The following SYN2 variants were observed in gnomAD, a reference collection of about 807,000 sequenced individuals.
SYN2 encodes synapsin-2.
In SYN2, 19 loss-of-function variants were observed where a neutral mutation model predicts 50.9. The ratio of observed to expected loss-of-function variants is 0.37; its 90% CI spans 0.26 to 0.55. The LOEUF is 0.55. Among genes scored for constraint, SYN2 ranks in the 20% least tolerant of loss-of-function variants. The pLI, the probability that SYN2 is intolerant of heterozygous loss-of-function variation, is 0.81. For synonymous variants in SYN2, 255 were observed against 224.9 expected (o/e 1.13, Z -1.20); for missense variants, 587 against 576.4 (o/e 1.02, Z -0.19).
intron 1 of SYN2, among the ~76,000 whole-genome samples, chr3:12,058,515 G>A (rs1377581310): frequency 6.6e-6 from 1 of 152,116 alleles, no homozygotes; most frequent in East Asian, 1.9e-4. Context: ...TTCCAGTGCT[G>A]GACAATTTGC....
At chr3:12,126,252 G>T (rs1325896533) in intron 1 of SYN2, among the ~76,000 whole-genome samples, 1 of 152,120 alleles carries the variant, frequency 6.6e-6, no homozygotes, top group East Asian at 1.9e-4. Flanking sequence ...CCCTCTCCTG[G>T]CCATTGGCAA....
At chr3:12,104,337 A>G (rs1378231220) in intron 1 of SYN2, among the ~76,000 whole-genome samples, 2 of 152,120 alleles carry the variant, frequency 1.3e-5, no homozygotes, top group Non-Finnish European at 2.9e-5. Context: ...AAAATAAATA[A>G]AGCAAAATTG....
At chr3:12,153,664 A>T (rs750403598) in intron 5 of SYN2, 11 of 1,614,022 alleles carry the variant, frequency 6.8e-6, no homozygotes. Flanking sequence ...GTCCAGAGGC[A>T]CTCGTTAGGG....
chr3:12,171,791 A>G (rs962929843), intron 10 of SYN2, among the ~76,000 whole-genome samples: 4 of 152,254 alleles, frequency 2.6e-5, no homozygotes, highest in African/African-American at 4.8e-5. Context: ...AAGACAATCC[A>G]TATTATACAA....
At chr3:12,122,108 G>A (rs991270052) in intron 1 of SYN2, among the ~76,000 whole-genome samples, 1 of 152,184 alleles carries the variant, frequency 6.6e-6, no homozygotes, top group African/African-American at 2.4e-5. Flanking sequence ...ACATCTAGAT[G>A]AATGACCGAA....
chr3:12,023,630 T>C (rs1694192682), intron 1 of SYN2, among the ~76,000 whole-genome samples: 1 of 152,208 alleles, frequency 6.6e-6, no homozygotes, highest in South Asian at 2.1e-4. Flanking sequence ...AGGAGAACCT[T>C]GAATACAAAG....
At chr3:12,103,460 G>C (rs903730585) in intron 1 of SYN2, among the ~76,000 whole-genome samples, 1 of 152,146 alleles carries the variant, frequency 6.6e-6, no homozygotes, top group African/African-American at 2.4e-5. Context: ...TCAGTCTAAA[G>C]GGGGATGATT....
Position 12,077,773 on chromosome 3 carries a change from A to G in SYN2, c.378-62878A>G, listed in dbSNP as rs112272560. ...CTTTGCTATTGTGAATAGTGTTGCA[A>G]TGAACATACATGTGCATGTATCTTT... On this transcript the variant is annotated intron_variant, in intron 1 of 12. Transcript: ENST00000621198. Among the ~76,000 whole-genome samples the G allele has an allele frequency of 5.7e-3, 861 of 152,286 alleles. 7 individuals carry two copies. The highest frequency in any genetic ancestry group is 0.017 in the African/African-American group (706 of 41,566).
intron 1 of SYN2, among the ~76,000 whole-genome samples, chr3:12,104,890 C>A (rs1696152467): frequency 2.0e-5 from 3 of 152,030 alleles, no homozygotes; most frequent in Admixed American, 2.0e-4. Context: ...TTTTTCAAAA[C>A]AAAATAACAA....
At position 12,187,444 on chromosome 3, in the gene SYN2, C is replaced by A. The variant is rs554457932; in HGVS notation, c.1445C>A (p.Ser482Ter). 4.4e-5 allele frequency: 68 copies of A among 1,553,372 alleles called. No homozygotes were observed. In the African/African-American group the frequency reaches 8.9e-4, roughly 20 times the overall value. The change falls in exon 12 of 13, where the codon TCA (serine) becomes TAA (stop). Residue 482 changes from serine to a stop codon, truncating the protein, a stop_gained. Transcript: ENST00000621198. LOFTEE classifies it high-confidence loss of function. ...LPPRRLPPGP[S>*]LPPSSSSSSS... ...CCACGCCGGCTCCCCCCTGGACCAT[C>A]ACTGCCACCTTCCTCCTCTTCCTCC...
chr3:12,035,768 A>G (rs146521783), intron 1 of SYN2, among the ~76,000 whole-genome samples: 1 of 152,274 alleles, frequency 6.6e-6, no homozygotes, highest in East Asian at 1.9e-4. Context: ...CTGGTTTGTG[A>G]GTGTGGACTT....
intron 10 of SYN2, among the ~76,000 whole-genome samples, chr3:12,177,714 TCCCTTAACAGACTA>T (rs1698114171): frequency 1.3e-5 from 2 of 152,174 alleles, no homozygotes; most frequent in Non-Finnish European, 2.9e-5. Flanking sequence ...AGTGACTAGA[TCCCTTAACAGACTA>T]TTAAGAGAAA....
intron 10 of SYN2, among the ~76,000 whole-genome samples, chr3:12,179,311 T>A (rs904881602): frequency 7.1e-6 from 1 of 141,042 alleles, no homozygotes; most frequent in Non-Finnish European, 1.5e-5. Flanking sequence ...TGGTCCAGGC[T>A]GGTCTGGAAC....
intron 1 of SYN2, among the ~76,000 whole-genome samples, chr3:12,059,018 C>T (rs1473010934): frequency 6.6e-6 from 1 of 152,194 alleles, no homozygotes; most frequent in East Asian, 1.9e-4. Context: ...TTATATGCAT[C>T]CAAGTCATGT....
At chr3:12,028,078 T>C (rs1212730856) in intron 1 of SYN2, among the ~76,000 whole-genome samples, 2 of 121,298 alleles carry the variant, frequency 1.6e-5, no homozygotes, top group East Asian at 5.6e-4. Flanking sequence ...CCTGTGTCCA[T>C]GTGATCTCAT....
Position 12,008,061 on chromosome 3 carries a change from A to G in SYN2, c.377+3133A>G, listed in dbSNP as rs150462182. On this transcript the variant is annotated intron_variant, in intron 1 of 12. Coordinates refer to ENST00000621198, the MANE Select transcript of SYN2 (RefSeq NM_133625.6). ...TTTAAGGTTCATGGCTAAATTTGAA[A>G]TGCAATTAAGATTGCACTTTAATGA... Among the ~76,000 whole-genome samples the G allele has an allele frequency of 5.3e-3, 804 of 152,346 alleles. 11 individuals carry two copies. The highest frequency in any genetic ancestry group is 0.018 in the African/African-American group (762 of 41,580).
At chr3:12,048,271 G>T (rs896230498) in intron 1 of SYN2, among the ~76,000 whole-genome samples, 1 of 152,106 alleles carries the variant, frequency 6.6e-6, no homozygotes, top group Admixed American at 6.5e-5. Context: ...GGACTCAAGC[G>T]ATCCTCCCAC....
chr3:12,180,400 G>A (rs1259235672), intron 10 of SYN2, among the ~76,000 whole-genome samples: 1 of 152,248 alleles, frequency 6.6e-6, no homozygotes, highest in African/African-American at 2.4e-5. Flanking sequence ...ATGAGTTCCT[G>A]CTGTGGGCTG....
At chr3:12,088,328 A>G (rs1294226727) in intron 1 of SYN2, among the ~76,000 whole-genome samples, 2 of 152,026 alleles carry the variant, frequency 1.3e-5, no homozygotes, top group Non-Finnish European at 2.9e-5. Flanking sequence ...ATCTCTAATC[A>G]TCAGGGAAAC....
Sources: gnomAD v4.1 joint callset for allele counts (sites outside exome capture counted in the v4.1 genomes callset) on GRCh38, gnomAD v4.1.1 for gene constraint, MANE v1.5 for transcripts, NCBI Gene and HGNC (gene_info 2026-07-23, HGNC 2026-07-21) for gene names.